ANKRD13A: variants seen among roughly 807,000 people sequenced by gnomAD.
The protein encoded by ANKRD13A is ankyrin repeat domain 13A, also known as ankyrin repeat domain-containing protein 13A.
ANKRD13A carries 48 observed loss-of-function variants against 81.3 expected under a neutral mutation model. The ratio of observed to expected loss-of-function variants is 0.59; its 90% confidence interval spans 0.47 to 0.75. The LOEUF (loss-of-function observed/expected upper bound fraction) is 0.75. ANKRD13A is among the 30% of genes least tolerant of loss of function. The pLI is 0.00. For missense variants in ANKRD13A, 612 were observed against 734.0 expected (o/e 0.83, Z 1.92); for synonymous variants, 230 against 270.1 (o/e 0.85, Z 1.45).
At chr12:110,016,524 A>AT (rs1318501888) in intron 4 of ANKRD13A, 91 bp downstream of exon 4, 730 of 1,238,704 alleles carry the variant, frequency 5.9e-4, no homozygotes, top group Middle Eastern at 1.4e-3. Flanking sequence ...AGTTACATGT[A>AT]TTTTTTTTTA....
At chr12:110,023,907 C>T in intron 6 of ANKRD13A, 139 bp from the exon 7 acceptor site, 1 of 793,682 alleles carries the variant, frequency 1.3e-6, no homozygotes, top group South Asian at 1.8e-5. Context: ...CTAACCGCCT[C>T]CTGTGGACAA....
intron 12 of ANKRD13A, 72 bp from the exon 13 acceptor site, chr12:110,033,725 A>G: frequency 7.3e-7 from 1 of 1,374,324 alleles, no homozygotes; most frequent in Middle Eastern, 1.9e-4. Context: ...TTTCTAATGT[A>G]CAACATTTTT....
At chr12:110,002,983 C>T (rs1455119374) in intron 1 of ANKRD13A, among the ~76,000 whole-genome samples, 1 of 152,202 alleles carries the variant, frequency 6.6e-6, no homozygotes, top group Non-Finnish European at 1.5e-5. Flanking sequence ...AATAAAGTGC[C>T]TCTTAACCCA....
chr12:110,023,819 C>A, intron 6 of ANKRD13A: 1 of 445,704 alleles, frequency 2.2e-6, no homozygotes, highest in Non-Finnish European at 4.0e-6. Context: ...AGATTGGAGG[C>A]TTTCTATGCC....
At chr12:110,031,400 G>A (rs1442722342) in intron 12 of ANKRD13A, among the ~76,000 whole-genome samples, 1 of 150,616 alleles carries the variant, frequency 6.6e-6, no homozygotes, top group Non-Finnish European at 1.5e-5. Context: ...CACCTAGGCT[G>A]GCATGCAGTG....
rs776188398 is a variant in ANKRD13A at position 110,018,425 on chromosome 12, T to C, written c.481T>C (p.Leu161=). 3 of 1,614,144 alleles carry C rather than the reference T, an allele frequency of 1.9e-6. No individual in the cohort carries two copies. The South Asian group carries it at 3.3e-5, about 18-fold the overall frequency. Residue 161 remains leucine, a synonymous_variant, in exon 5 of 15, where the codon TTG becomes CTG. Transcript: ENST00000261739. This position sits in a 1 kb window ranked among gnomAD's most constrained non-coding sequence, Gnocchi z 4.4. ...TGCCAAACTGCGCGTCGATATCACA[T>C]TGCTGGGATTTGAAAACATGAGCTG... ...SGAKLRVDIT[L]LGFENMSWIR...
At position 110,033,816 on chromosome 12, in the gene ANKRD13A, T is replaced by G; in HGVS notation, c.1368T>G (p.Phe456Leu). 1 of 1,608,074 alleles carries G rather than the reference T, an allele frequency of 6.2e-7. No individual in the cohort carries two copies. Among genetic ancestry groups the G allele is most frequent in the Non-Finnish European group, 8.5e-7 (1 of 1,177,058 alleles). Residue 456 changes from phenylalanine to leucine, a missense_variant, in exon 13 of 15, where the codon TTT (phenylalanine) becomes TTG (leucine). Physicochemically the swap from Phe to Leu is conservative, Grantham distance 22 (BLOSUM62 0). Coordinates refer to ENST00000261739, the MANE Select transcript of ANKRD13A (RefSeq NM_033121.2). Reference sequence around the variant, plus strand: ...TTTCAGCTTCCCACATCACAAACTTTGAGGTTGATCAATCTGTGTTTGAAA... The same window carrying G: ...TTTCAGCTTCCCACATCACAAACTTGGAGGTTGATCAATCTGTGTTTGAAA... ...QADSASHITN[F>L]EVDQSVFEIP...
At chr12:110,037,223 G>A (rs1593237365) in intron 14 of ANKRD13A, 136 bp from the exon 15 acceptor site, 2 of 881,936 alleles carry the variant, frequency 2.3e-6, no homozygotes, top group African/African-American at 3.4e-5. Flanking sequence ...CGCCAGTTAT[G>A]TGGGATTAAT....
At chr12:110,000,135 A>G (rs533212176) in intron 1 of ANKRD13A, among the ~76,000 whole-genome samples, 9 of 152,340 alleles carry the variant, frequency 5.9e-5, no homozygotes, top group African/African-American at 1.9e-4. Flanking sequence ...TGGCTCCGGA[A>G]TGCACCGTCT....
intron 1 of ANKRD13A, among the ~76,000 whole-genome samples, chr12:110,000,489 C>CT (rs1324130563): frequency 6.6e-6 from 1 of 152,164 alleles, no homozygotes; most frequent in Non-Finnish European, 1.5e-5. Context: ...ATGCTTTAAT[C>CT]TTTTCATTAT....
intron 6 of ANKRD13A, among the ~76,000 whole-genome samples, chr12:110,020,017 T>G (rs1891001323): frequency 6.6e-6 from 1 of 152,240 alleles, no homozygotes; most frequent in Admixed American, 6.5e-5. Context: ...TGGAGACCAC[T>G]GATCCGAGGG....
In ANKRD13A at chr12:110,029,598, C is replaced by T; in HGVS notation, c.1197C>T (p.Ile399=). 1 of 1,613,708 alleles carries T rather than the reference C, an allele frequency of 6.2e-7. No homozygotes were observed. The highest frequency in any genetic ancestry group is 8.5e-7 in the Non-Finnish European group (1 of 1,179,630). ...SAHFARLRDF[I]KLEFPPGFPV... ...ATTTTGCAAGACTGAGAGATTTCAT[C>T]AAATTGGAATTCCCACCTGGATTTC... is the stretch of plus-strand genomic sequence containing the variant. Residue 399 remains isoleucine (I), a synonymous_variant, in exon 11 of 15, where the codon ATC becomes ATT. Transcript: ENST00000261739.
intron 1 of ANKRD13A, among the ~76,000 whole-genome samples, chr12:110,010,357 C>T (rs565117811): frequency 1.3e-5 from 2 of 152,160 alleles, no homozygotes; most frequent in Admixed American, 6.5e-5. Context: ...ATGTAATAGA[C>T]GTGTAGGAAG....
rs996275640 is a variant in ANKRD13A at position 110,036,241 on chromosome 12, A to G, written c.1510-20A>G. ...TTTCTCCTAAGACGTATTCATGTCTATCACATTTGTCTTTGCCAGGAACTT... is the reference window on the plus strand; with the variant it reads ...TTTCTCCTAAGACGTATTCATGTCTGTCACATTTGTCTTTGCCAGGAACTT... On this transcript the variant is annotated intron_variant, in intron 13 of 14. Transcript: ENST00000261739. The surrounding 1 kb of genome is among the most constrained non-coding windows in gnomAD (Gnocchi z 4.6). 1.2e-6 allele frequency: 2 copies of G among 1,612,402 alleles called. No homozygotes were observed. The highest frequency in any genetic ancestry group is 1.7e-6 in the Non-Finnish European group (2 of 1,178,514).
chr12:110,002,993 A>G (rs910933931), intron 1 of ANKRD13A, among the ~76,000 whole-genome samples: 4 of 152,180 alleles, frequency 2.6e-5, no homozygotes, highest in African/African-American at 7.2e-5. Context: ...CTCTTAACCC[A>G]TCAGCTCATT....
chr12:110,013,773 G>C (rs1436143222), intron 3 of ANKRD13A, among the ~76,000 whole-genome samples: 2 of 152,054 alleles, frequency 1.3e-5, no homozygotes, highest in Non-Finnish European at 2.9e-5. Context: ...CTGGGTGACA[G>C]AGCAAGACCT....
chr12:110,031,262 T>C lies in ANKRD13A; in HGVS notation c.1348+504T>C, dbSNP rs149815364. 6.5e-3 allele frequency among the ~76,000 whole-genome samples: 992 copies of C among 152,154 alleles called. 14 individuals are homozygous for C. Among genetic ancestry groups the C allele is most frequent in the African/African-American group, 0.022 (916 of 41,538 alleles). ...TGTAGAATATATATGATCCTAGTTA[T>C]ATTAAAAAGAAAGGATGTTCTTAAA... On this transcript the variant is annotated intron_variant, in intron 12 of 14. Coordinates refer to ENST00000261739, the MANE Select transcript of ANKRD13A (RefSeq NM_033121.2).
At chr12:110,024,772 CTGAG>C (rs1891235857) in intron 7 of ANKRD13A, among the ~76,000 whole-genome samples, 1 of 152,184 alleles carries the variant, frequency 6.6e-6, no homozygotes, top group Non-Finnish European at 1.5e-5. Context: ...TGTCATAGTG[CTGAG>C]TGTGTTTTCT....
chr12:110,016,304 T>C, intron 3 of ANKRD13A, 84 bp from the exon 4 acceptor site: 2 of 1,078,432 alleles, frequency 1.9e-6, no homozygotes, highest in East Asian at 2.7e-5. Flanking sequence ...TAACCCAGGG[T>C]TTTTAAGAAC....
Sources: allele counts gnomAD v4.1 joint callset (sites outside exome capture counted in the v4.1 genomes callset), GRCh38; gene constraint gnomAD v4.1.1; non-coding constraint Gnocchi (gnomAD v3.1); transcripts MANE v1.5; gene names NCBI Gene and HGNC (gene_info 2026-07-23, HGNC 2026-07-21).